RUNX1T1: variants seen among roughly 807,000 people sequenced by gnomAD.
The protein encoded by RUNX1T1 is protein CBFA2T1.
In RUNX1T1, 4 loss-of-function variants were observed where a neutral mutation model predicts 62.8. That is an observed-to-expected ratio of 0.06 (90% confidence interval 0.03 to 0.15). RUNX1T1 has a LOEUF of 0.15. Ranked by LOEUF, RUNX1T1 falls within the 10% of genes least tolerant of loss-of-function variation. The pLI is 1.00. For synonymous variants in RUNX1T1, 291 were observed against 286.0 expected (o/e 1.02, Z -0.18); for missense variants, 508 against 754.3 (o/e 0.67, Z 3.82).
At chr8:92,011,445 T>A (rs900869807) in intron 3 of RUNX1T1, among the ~76,000 whole-genome samples, 3 of 152,220 alleles carry the variant, frequency 2.0e-5, no homozygotes, top group African/African-American at 4.8e-5. Flanking sequence ...TTTAAAAGCA[T>A]AACAGATCAC....
At chr8:92,098,290 T>C (rs148245335) in intron 1 of RUNX1T1, among the ~76,000 whole-genome samples, 2 of 152,340 alleles carry the variant, frequency 1.3e-5, no homozygotes, top group African/African-American at 4.8e-5. Flanking sequence ...ATGTGACCTT[T>C]TATTGCAGAA....
At chr8:91,963,022 C>G (rs983726324) in intron 10 of RUNX1T1, among the ~76,000 whole-genome samples, 1 of 152,102 alleles carries the variant, frequency 6.6e-6, no homozygotes, top group Admixed American at 6.6e-5. Context: ...GATGCATGTG[C>G]TGGGAAGTGG....
chr8:92,098,742 G>A (rs949890557), intron 1 of RUNX1T1, among the ~76,000 whole-genome samples: 3 of 152,078 alleles, frequency 2.0e-5, no homozygotes, highest in African/African-American at 7.2e-5. Flanking sequence ...AAACCTCCTC[G>A]AATTTCATTT....
Position 92,069,823 on chromosome 8 carries a change from A to T in RUNX1T1, c.88+6142T>A, listed in dbSNP as rs187471385. ...ACTCTATATGGAAATTTTTACTCTT[A>T]CTTTCATTTATTAAAATTCTCCTTA... On this transcript the variant is annotated intron_variant, in intron 2 of 11. Coordinates refer to the RUNX1T1 transcript ENST00000265814. Among the ~76,000 whole-genome samples the T allele has an allele frequency of 7.7e-3, 1,172 of 152,284 alleles. 7 individuals carry two copies. The highest frequency in any genetic ancestry group is 9.7e-3 in the Non-Finnish European group (659 of 68,028).
At chr8:92,083,790 A>G (rs899235778) in intron 1 of RUNX1T1, among the ~76,000 whole-genome samples, 8 of 152,242 alleles carry the variant, frequency 5.3e-5, no homozygotes, top group African/African-American at 1.9e-4. Flanking sequence ...CTATAAAGAC[A>G]CATGCACACA....
intron 2 of RUNX1T1, 77 bp from the exon 4 acceptor site, chr8:92,014,897 T>G: frequency 7.2e-7 from 1 of 1,391,544 alleles, no homozygotes; most frequent in Non-Finnish European, 9.7e-7. Context: ...CCAAGTTTCC[T>G]ACCTTTTACA....
At chr8:92,062,766 T>G (rs1383467490) in exon 1 of RUNX1T1, 1 of 1,524,038 alleles carries the variant, frequency 6.6e-7, no homozygotes, top group South Asian at 1.2e-5. Flanking sequence ...GGAGCAGAAA[T>G]GTGGAGGATG....
At chr8:92,072,162 TG>T (rs1365231447) in intron 2 of RUNX1T1, among the ~76,000 whole-genome samples, 1 of 152,210 alleles carries the variant, frequency 6.6e-6, no homozygotes, top group African/African-American at 2.4e-5. Flanking sequence ...TTGATTAAAG[TG>T]TAAATCTTCA....
chr8:91,977,640 A>G (rs953283407), intron 8 of RUNX1T1, among the ~76,000 whole-genome samples: 1 of 152,242 alleles, frequency 6.6e-6, no homozygotes, highest in African/African-American at 2.4e-5. Flanking sequence ...TTTTAAGGAG[A>G]AAAGACTTGG....
upstream of RUNX1T1, chr8:92,102,896 T>G (rs980988470): frequency 2.6e-6 from 4 of 1,517,920 alleles, no homozygotes; most frequent in African/African-American, 4.2e-5. The surrounding 1 kb of genome is among the most constrained non-coding windows in gnomAD (Gnocchi z 4.5). Context: ...CGCCACAGGC[T>G]CCGAGCTGCA....
At chr8:92,038,532 G>T (rs1321408280) in intron 1 of RUNX1T1, among the ~76,000 whole-genome samples, 1 of 152,056 alleles carries the variant, frequency 6.6e-6, no homozygotes, top group Admixed American at 6.5e-5. Flanking sequence ...AGCCAAACAG[G>T]ACACAGGAAA....
chr8:92,006,734 T>C (rs1820860705), intron 4 of RUNX1T1: 1 of 151,698 alleles, frequency 6.6e-6, no homozygotes, highest in South Asian at 2.1e-4. Context: ...CATAAGTAGA[T>C]GTGTGCCATG....
intron 1 of RUNX1T1, among the ~76,000 whole-genome samples, chr8:92,031,641 A>AT (rs1056994153): frequency 6.6e-5 from 10 of 151,328 alleles, no homozygotes; most frequent in Admixed American, 2.6e-4. Context: ...ACTAATTTAA[A>AT]TTTTTTTTTG....
Position 92,039,408 on chromosome 8 carries a change from T to C in RUNX1T1, c.8-22045A>G, listed in dbSNP as rs1023568012. ...AACTCTTTGTTGTTTTAACAATACC[T>C]GACTCTCTCAAAACCTCCATAACAG... On this transcript the variant is annotated intron_variant, in intron 1 of 10. Coordinates refer to ENST00000396218, the Ensembl canonical transcript of RUNX1T1. 7.2e-5 allele frequency among the ~76,000 whole-genome samples: 11 copies of C among 152,328 alleles called. No homozygotes were observed. The Middle Eastern group carries it at 0.01, about 141-fold the overall frequency.
At chr8:91,980,706 C>CT (rs1186377016) in intron 8 of RUNX1T1, among the ~76,000 whole-genome samples, 1 of 152,106 alleles carries the variant, frequency 6.6e-6, no homozygotes, top group Non-Finnish European at 1.5e-5. Context: ...AGGTCTTGCT[C>CT]TGTTGCCCAG....
chr8:92,007,218 C>A (rs1387371846), intron 4 of RUNX1T1, among the ~76,000 whole-genome samples: 1 of 152,174 alleles, frequency 6.6e-6, no homozygotes, highest in Non-Finnish European at 1.5e-5. Flanking sequence ...GTAATCCCAG[C>A]ACTTCCAGAG....
intron 1 of RUNX1T1, among the ~76,000 whole-genome samples, chr8:92,089,925 TAAAAAAAAAAAAA>T (rs36052605): frequency 1.2e-5 from 1 of 80,160 alleles, no homozygotes; most frequent in Non-Finnish European, 2.3e-5. Context: ...TCCCTGAATT[TAAAAAAAAAAAAA>T]AAAAAAAAAA....
At chr8:92,095,136 C>A in intron 1 of RUNX1T1, 2 of 1,535,582 alleles carry the variant, frequency 1.3e-6, no homozygotes, top group Non-Finnish European at 1.7e-6. Flanking sequence ...CTCTTTCTCA[C>A]TCTGCTAATC....
chr8:92,039,901 C>T (rs1828131431), intron 1 of RUNX1T1, among the ~76,000 whole-genome samples: 1 of 152,234 alleles, frequency 6.6e-6, no homozygotes, highest in Middle Eastern at 3.4e-3. Context: ...CCATCAGGTC[C>T]TCATGTTCTC....
Sources: allele counts gnomAD v4.1 joint callset (sites outside exome capture counted in the v4.1 genomes callset), GRCh38; gene constraint gnomAD v4.1.1; non-coding constraint Gnocchi (gnomAD v3.1); transcripts MANE v1.5; gene names NCBI Gene and HGNC (gene_info 2026-07-23, HGNC 2026-07-21).